The following HOMER1 variants were observed in gnomAD, a reference collection of about 807,000 sequenced individuals.
HOMER1 encodes the protein homer protein homolog 1.
Under a neutral mutation model 48.9 loss-of-function variants are expected in HOMER1, and 3 were observed. The ratio of observed to expected loss-of-function variants is 0.06; its 90% confidence interval spans 0.03 to 0.16. The LOEUF is 0.16. Among genes scored for constraint, HOMER1 ranks in the 10% least tolerant of loss-of-function variants. HOMER1 has a pLI of 1.00. For synonymous variants in HOMER1, 134 were observed against 146.4 expected, an observed-to-expected ratio of 0.92 and a Z score of 0.61; for missense variants, 247 against 411.4, an observed-to-expected ratio of 0.60 and a Z score of 3.46.
intron 5 of HOMER1, among the ~76,000 whole-genome samples, chr5:79,406,236 T>C (rs770496540): frequency 6.6e-6 from 1 of 152,192 alleles, no homozygotes; most frequent in Non-Finnish European, 1.5e-5. Flanking sequence ...ATTTGGTTGG[T>C]ATTTAGACCC....
intron 1 of HOMER1, among the ~76,000 whole-genome samples, chr5:79,492,327 T>C (rs1752299916): frequency 6.6e-6 from 1 of 152,098 alleles, no homozygotes; most frequent in Non-Finnish European, 1.5e-5. Flanking sequence ...GACTGAAAAG[T>C]GTACCCTGTC....
At chr5:79,445,787 G>A (rs182819900) in intron 4 of HOMER1, among the ~76,000 whole-genome samples, 2 of 152,190 alleles carry the variant, frequency 1.3e-5, no homozygotes, top group Admixed American at 6.5e-5. Flanking sequence ...GGTGGTGCAC[G>A]CCTATAATCC....
intron 1 of HOMER1, among the ~76,000 whole-genome samples, chr5:79,496,429 G>A (rs893652597): frequency 8.5e-5 from 13 of 152,172 alleles, no homozygotes; most frequent in African/African-American, 3.1e-4. Flanking sequence ...GTATATAACA[G>A]AAGAATATAC....
intron 1 of HOMER1, among the ~76,000 whole-genome samples, chr5:79,506,858 AT>A (rs1249884361): frequency 2.8e-4 from 23 of 81,590 alleles, no homozygotes; most frequent in African/African-American, 6.0e-4. Context: ...ACAAAAAAAT[AT>A]ATATATATAT....
chr5:79,489,467 G>T (rs1308866868), intron 1 of HOMER1, among the ~76,000 whole-genome samples: 1 of 152,104 alleles, frequency 6.6e-6, no homozygotes, highest in Non-Finnish European at 1.5e-5. Flanking sequence ...TGAGGCAGGA[G>T]AATTGCTTGA....
At chr5:79,391,079 T>C (rs1362195506) in intron 8 of HOMER1, among the ~76,000 whole-genome samples, 1 of 149,724 alleles carries the variant, frequency 6.7e-6, no homozygotes, top group Non-Finnish European at 1.5e-5. Flanking sequence ...AAAACAGAAA[T>C]TCATCAGGTA....
intron 1 of HOMER1, among the ~76,000 whole-genome samples, chr5:79,485,126 C>T (rs891906713): frequency 1.4e-5 from 2 of 145,788 alleles, no homozygotes; most frequent in Non-Finnish European, 3.0e-5. Context: ...AACACTAGTA[C>T]TGAGTGAAGG....
At chr5:79,493,120 T>C (rs1201868878) in intron 1 of HOMER1, among the ~76,000 whole-genome samples, 1 of 152,046 alleles carries the variant, frequency 6.6e-6, no homozygotes, top group African/African-American at 2.4e-5. Flanking sequence ...AGTTTCGCCA[T>C]GTTGGCCAGG....
At chr5:79,461,705 T>A (rs1047588840) in intron 1 of HOMER1, among the ~76,000 whole-genome samples, 1 of 152,146 alleles carries the variant, frequency 6.6e-6, no homozygotes, top group Non-Finnish European at 1.5e-5. Flanking sequence ...GAGGTAAATA[T>A]CTCACTGAAA....
At chr5:79,501,515 GACTT>G (rs1364620244) in intron 1 of HOMER1, among the ~76,000 whole-genome samples, 2 of 152,094 alleles carry the variant, frequency 1.3e-5, no homozygotes, top group African/African-American at 2.4e-5. Context: ...CATTATGCGA[GACTT>G]ACTTACACTA....
chr5:79,485,241 G>A (rs555836670), intron 1 of HOMER1, among the ~76,000 whole-genome samples: 58 of 152,238 alleles, frequency 3.8e-4, no homozygotes, highest in Admixed American at 3.2e-3. Flanking sequence ...ATATTTTGAG[G>A]ACCAGCTAGA....
At chr5:79,450,896 C>A in intron 3 of HOMER1, 94 bp downstream of exon 3, 2 of 1,182,124 alleles carry the variant, frequency 1.7e-6, no homozygotes, top group South Asian at 1.7e-5. Context: ...AAATAAATTT[C>A]TCCTATATTT....
intron 5 of HOMER1, among the ~76,000 whole-genome samples, chr5:79,414,315 A>C (rs369500852): frequency 2.0e-5 from 3 of 149,874 alleles, no homozygotes; most frequent in East Asian, 3.9e-4. Context: ...GGCTGGTCTC[A>C]AACTCCTGGA....
intron 1 of HOMER1, among the ~76,000 whole-genome samples, chr5:79,499,644 C>T (rs1752521277): frequency 6.6e-6 from 1 of 152,086 alleles, no homozygotes; most frequent in Non-Finnish European, 1.5e-5. Flanking sequence ...ATACACAAAT[C>T]TATTACAAAG....
At chr5:79,427,882 CAAATT>C (rs1199538480) in intron 5 of HOMER1, among the ~76,000 whole-genome samples, 2 of 150,520 alleles carry the variant, frequency 1.3e-5, no homozygotes, top group African/African-American at 4.9e-5. Context: ...CAATTAGAAA[CAAATT>C]AAAGGAAAAA....
At chr5:79,455,468 C>G (rs948942875) in intron 2 of HOMER1, among the ~76,000 whole-genome samples, 1 of 152,200 alleles carries the variant, frequency 6.6e-6, no homozygotes, top group Non-Finnish European at 1.5e-5. Flanking sequence ...TGCTCTCACT[C>G]TCTCTCCTGC....
At chr5:79,498,828 G>C (rs1190965205) in intron 1 of HOMER1, among the ~76,000 whole-genome samples, 1 of 145,362 alleles carries the variant, frequency 6.9e-6, no homozygotes, top group Non-Finnish European at 1.5e-5. Context: ...CTACTTGCAG[G>C]TCTCCACTTT....
chr5:79,505,927 C>T (rs73770440), intron 1 of HOMER1, among the ~76,000 whole-genome samples: 2,860 of 152,030 alleles, frequency 0.019, 82 homozygotes, highest in African/African-American at 0.065. Flanking sequence ...ATTTTAGCTA[C>T]GCAAGAGCCA....
chr5:79,451,855 C>T (rs1751037824), intron 2 of HOMER1, among the ~76,000 whole-genome samples: 1 of 152,038 alleles, frequency 6.6e-6, no homozygotes. Context: ...GCCACTGCGC[C>T]CGGCCGACAC....
Sources: allele counts gnomAD v4.1 joint callset (sites outside exome capture counted in the v4.1 genomes callset), GRCh38; gene constraint gnomAD v4.1.1; transcripts MANE v1.5; gene names NCBI Gene and HGNC (gene_info 2026-07-23, HGNC 2026-07-21).